The following RHPN1 variants were observed in gnomAD, a reference collection of about 807,000 sequenced individuals.
RHPN1 encodes rhophilin-1.
A neutral mutation model predicts 74.7 loss-of-function variants in RHPN1; 77 were observed. The ratio of observed to expected loss-of-function variants is 1.03; its 90% CI spans 0.86 to 1.25. RHPN1 has a LOEUF of 1.25. RHPN1 is among the 50% of genes most tolerant of loss of function. The probability of loss-of-function intolerance (pLI) is 0.00; values close to 1 mark genes in which losing one functional copy is unlikely to be tolerated. For missense variants in RHPN1, 987 were observed against 932.2 expected, an observed-to-expected ratio of 1.06 and a Z score of -0.77; for synonymous variants, 444 against 414.5, an observed-to-expected ratio of 1.07 and a Z score of -0.87.
intron 1 of RHPN1, among the ~76,000 whole-genome samples, chr8:143,372,198 C>T (rs919768902): frequency 6.6e-6 from 1 of 151,044 alleles, no homozygotes; most frequent in Non-Finnish European, 1.5e-5. Context: ...AGCCTTGCAG[C>T]GGGGCCTTTG....
chr8:143,369,511 G>A (rs1048401171), intron 1 of RHPN1, among the ~76,000 whole-genome samples: 15 of 152,246 alleles, frequency 9.9e-5, no homozygotes, highest in African/African-American at 3.6e-4. Context: ...AACCGAGAGA[G>A]GTCTTCCCGG....
intron 1 of RHPN1, 24 bp downstream of exon 1, chr8:143,369,071 G>A (rs1817658918): frequency 4.1e-6 from 6 of 1,456,204 alleles, no homozygotes; most frequent in African/African-American, 1.5e-5. Flanking sequence ...GCGCGGCGGC[G>A]GGAGGAGGGG....
At chr8:143,376,870 A>G (rs114940729) in intron 3 of RHPN1, among the ~76,000 whole-genome samples, 56 of 148,286 alleles carry the variant, frequency 3.8e-4, no homozygotes, top group Admixed American at 5.3e-4. Context: ...CTGTGTGTAT[A>G]TGTGTGTGCA....
chr8:143,364,487 C>A (rs1817537662), upstream of RHPN1, among the ~76,000 whole-genome samples: 1 of 152,146 alleles, frequency 6.6e-6, no homozygotes, highest in South Asian at 2.1e-4. The surrounding 1 kb of genome is among the most constrained non-coding windows in gnomAD (Gnocchi z 4.5). Flanking sequence ...GAGGCCCCAC[C>A]AGGGCCTGGC....
In RHPN1 at chr8:143,378,928, G is replaced by A. The variant is rs867589990; in HGVS notation, c.601G>A (p.Gly201Arg). ...ACACTGCAGGTACGACTCGCTTACT[G>A]GGGTCCCGGCCCAGCAGCGTGCCCT... ...LFFHWYDSLT[G>R]VPAQQRALAF... Residue 201 changes from glycine to arginine, a missense_variant, in exon 7 of 15, where the codon GGG (glycine) becomes AGG (arginine). Gly to Arg is a moderately radical substitution (Grantham distance 125). Coordinates refer to ENST00000289013, the MANE Select transcript of RHPN1 (RefSeq NM_052924.3). The A allele has an allele frequency of 1.9e-6, 3 of 1,584,224 alleles. No individual in the cohort carries two copies. Among genetic ancestry groups the A allele is most frequent in the Non-Finnish European group, 2.6e-6 (3 of 1,166,108 alleles).
intron 1 of RHPN1, chr8:143,374,080 T>C: frequency 1.0e-6 from 1 of 971,070 alleles, no homozygotes; most frequent in Non-Finnish European, 1.2e-6. Context: ...GGGAATAAAC[T>C]AATTAAAATG....
Position 143,379,479 on chromosome 8 carries a change from C to T in RHPN1, c.916C>T (p.Gln306Ter). 1.3e-6 allele frequency: 2 copies of T among 1,564,328 alleles called. No homozygotes were observed. Among genetic ancestry groups the T allele is most frequent in the Non-Finnish European group, 1.7e-6 (2 of 1,154,984 alleles). Reference sequence around the variant, plus strand: ...CATGGCCCCCCAAGACTGCCTGGCCCAGCTGCGCCTGGCGCAGGAGGCCGC... The same window carrying T: ...CATGGCCCCCCAAGACTGCCTGGCCTAGCTGCGCCTGGCGCAGGAGGCCGC... ...ASMAPQDCLAQLRLAQEAAQV... is the reference protein window; with the variant it reads ...ASMAPQDCLA Residue 306 changes from glutamine to a stop codon, truncating the protein, a stop_gained, in exon 8 of 15, where the codon CAG becomes TAG. Transcript: ENST00000289013. LOFTEE classifies it high-confidence loss of function.
Position 143,379,910 on chromosome 8 carries a change from C to T in RHPN1, c.1027C>T (p.Leu343=). The T allele has an allele frequency of 1.2e-6, 2 of 1,604,542 alleles. No individual in the cohort carries two copies. Among genetic ancestry groups the T allele is most frequent in the South Asian group, 2.2e-5 (2 of 89,518 alleles). The change falls in exon 9 of 15, where the codon CTG becomes TTG. Residue 343 remains leucine (L), a synonymous_variant. Coordinates refer to ENST00000289013, the MANE Select transcript of RHPN1 (RefSeq NM_052924.3). ...CTACGTGCCTGTCTCCTGGACTGCC[C>T]TGGTGCATGTCAAGGCCGAGTACTT... The part of the protein sequence containing the change: ...HDYVPVSWTA[L]VHVKAEYFRS...
upstream of RHPN1, among the ~76,000 whole-genome samples, chr8:143,364,590 CTCT>C (rs944306688): frequency 1.3e-5 from 2 of 151,724 alleles, no homozygotes; most frequent in South Asian, 2.1e-4. The surrounding 1 kb of genome is among the most constrained non-coding windows in gnomAD (Gnocchi z 4.5). Flanking sequence ...TTCTCAGTGG[CTCT>C]TTTTTTTTTT....
In RHPN1 at chr8:143,378,827, G is replaced by T; in HGVS notation, c.584+7G>T. 5.1e-6 allele frequency: 8 copies of T among 1,563,960 alleles called. No individual in the cohort carries two copies. Among genetic ancestry groups the T allele is most frequent in the African/African-American group, 1.4e-5 (1 of 73,616 alleles). ...TCGGGCTCTTCTTCCACTGGTAGGG[G>T]CTCTGCGGGCGGAGGCACCCTGGGG... On this transcript the variant is annotated splice_region_variant and intron_variant, in intron 6 of 14. Transcript: ENST00000289013.
chr8:143,376,977 C>T lies in RHPN1; in HGVS notation c.305+324C>T, dbSNP rs554852543. Among the ~76,000 whole-genome samples the T allele has an allele frequency of 2.4e-3, 351 of 148,600 alleles. 4 individuals are homozygous for T. The highest frequency in any genetic ancestry group is 4.5e-3 in the Non-Finnish European group (305 of 67,530). On this transcript the variant is annotated intron_variant, in intron 3 of 14. Transcript: ENST00000289013. ...GTGTCTGTGTGCACGTGTCTGCGTG[C>T]GTGTGCATGTCTGCGTGTATGTGGG... is the stretch of plus-strand genomic sequence containing the variant.
chr8:143,382,095 C>T (rs1563806141), intron 14 of RHPN1, 127 bp downstream of exon 14: 5 of 985,600 alleles, frequency 5.1e-6, no homozygotes, highest in East Asian at 2.6e-5. Flanking sequence ...CTCCCTGGGC[C>T]GCCTCCTGGG....
upstream of RHPN1, chr8:143,367,324 T>A (rs1297538328): frequency 1.3e-5 from 2 of 152,266 alleles, no homozygotes; most frequent in Non-Finnish European, 2.9e-5. Flanking sequence ...GGCGAAACCC[T>A]GTCTCTACAA....
chr8:143,376,920 CT>C (rs1818290687), intron 3 of RHPN1, among the ~76,000 whole-genome samples: 1 of 140,832 alleles, frequency 7.1e-6, no homozygotes, highest in Non-Finnish European at 1.5e-5. Context: ...GTCTGTGTGT[CT>C]GCATGTGTCT....
chr8:143,374,265 G>A (rs922109693), intron 1 of RHPN1: 22 of 985,336 alleles, frequency 2.2e-5, no homozygotes, highest in Non-Finnish European at 2.7e-5. Flanking sequence ...GTGCACGTTG[G>A]CCCCATGAAT....
Position 143,378,356 on chromosome 8 carries a change from T to TCCACCCC in RHPN1, c.459+12_459+13insACCCCCC. On this transcript the variant is annotated intron_variant, in intron 5 of 14. Coordinates refer to ENST00000289013, the MANE Select transcript of RHPN1 (RefSeq NM_052924.3). ...GGAGGCCCTGCGGCAGGTGTGTGGT[T>TCCACCCC]CCCCCGCCCACCCACCCTCCTGCAG... 1.3e-6 allele frequency: 2 copies of TCCACCCC among 1,525,440 alleles called. No homozygotes were observed. Among genetic ancestry groups the TCCACCCC allele is most frequent in the Admixed American group, 2.1e-5 (1 of 48,502 alleles). 94.5% of individuals were successfully genotyped at this position (1,525,440 alleles called of 1,614,324 possible).
intron 5 of RHPN1, 29 bp from the exon 6 acceptor site, chr8:143,378,667 G>A (rs774122348): frequency 2.0e-5 from 32 of 1,587,300 alleles, no homozygotes; most frequent in African/African-American, 8.1e-5. Flanking sequence ...GGGCCAGGGC[G>A]GTGGGGCCCA....
In RHPN1 at chr8:143,380,660, C is replaced by G; in HGVS notation, c.1288C>G (p.Leu430Val). The G allele has an allele frequency of 6.4e-7, 1 of 1,570,990 alleles. No individual in the cohort carries two copies. The highest frequency in any genetic ancestry group is 8.6e-7 in the Non-Finnish European group (1 of 1,158,778). The change falls in exon 11 of 15, where the codon CTG becomes GTG. Residue 430 changes from leucine (L) to valine (V), a missense_variant. Transcript: ENST00000289013. ...GCGGCTGCACGCCCTGTGCCGCGTC[C>G]TGCGCGAGGTGGACCTGCTTCGGGC... ...ALRLHALCRV[L>V]REVDLLRAVI...
In RHPN1 at chr8:143,376,760, TTGTC is replaced by T. The variant is rs573909878; in HGVS notation, c.305+111_305+114del. 6,286 of 1,338,800 alleles carry T rather than the reference TTGTC, an allele frequency of 4.7e-3. 234 individuals carry two copies. The African/African-American group carries it at 0.078, about 17-fold the overall frequency. 82.9% of individuals were successfully genotyped at this position (1,338,800 alleles called of 1,614,324 possible). ...GTGTCTCTGTGTGTATATGTGTGCA[TTGTC>T]TGTGTGTGTGCGTGTGTGCATGTGT... On this transcript the variant is annotated intron_variant, in intron 3 of 14. Coordinates refer to ENST00000289013, the MANE Select transcript of RHPN1 (RefSeq NM_052924.3).
Sources: gnomAD v4.1 joint callset for allele counts (sites outside exome capture counted in the v4.1 genomes callset) on GRCh38, gnomAD v4.1.1 for gene constraint, Gnocchi (gnomAD v3.1) non-coding constraint, MANE v1.5 for transcripts, NCBI Gene and HGNC (gene_info 2026-07-23, HGNC 2026-07-21) for gene names.